DNAH14: variants seen among roughly 807,000 people sequenced by gnomAD.
The protein encoded by DNAH14 is dynein axonemal heavy chain 14, also known as axonemal beta dynein heavy chain 14.
A neutral mutation model predicts 520.9 loss-of-function variants in DNAH14; 478 were observed. The observed-to-expected ratio is 0.92, with a 90% CI of 0.85 to 0.99. The LOEUF (loss-of-function observed/expected upper bound fraction) is 0.99. Ranked by LOEUF, DNAH14 falls within the 50% of genes least tolerant of loss-of-function variation. The pLI is 0.00. For synonymous variants in DNAH14, 1,581 were observed against 1,757.2 expected, an observed-to-expected ratio of 0.90 and a Z score of 2.51; for missense variants, 4,831 against 5,234.5, an observed-to-expected ratio of 0.92 and a Z score of 2.38.
rs546550619 is a variant in DNAH14, at chr1:225,052,792, G to A, written c.2424+997G>A. On this transcript the variant is annotated intron_variant, in intron 17 of 85. Transcript: ENST00000682510. ...GTTGATTTAACTTAGATTCAGTTGC[G>A]TACGACAGAAAGCAAAAGGTAACAG... is the stretch of plus-strand genomic sequence containing the variant. Among the ~76,000 whole-genome samples, 6 of 152,298 alleles carry A rather than the reference G, an allele frequency of 3.9e-5. No individual in the cohort carries two copies. In the South Asian group the frequency reaches 8.3e-4, roughly 21 times the overall value.
intron 21 of DNAH14, among the ~76,000 whole-genome samples, chr1:225,094,225 C>G (rs1015170692): frequency 6.6e-6 from 1 of 152,144 alleles, no homozygotes; most frequent in African/African-American, 2.4e-5. Flanking sequence ...TAACTTCAAA[C>G]TATACTTCAA....
intron 83 of DNAH14, among the ~76,000 whole-genome samples, chr1:225,390,104 C>T (rs1308668218): frequency 6.6e-6 from 1 of 152,160 alleles, no homozygotes; most frequent in Admixed American, 6.5e-5. Flanking sequence ...CAGATTTCAC[C>T]TGCGCCTTGG....
intron 78 of DNAH14, among the ~76,000 whole-genome samples, chr1:225,377,018 T>C (rs547112568): frequency 6.6e-6 from 1 of 152,142 alleles, no homozygotes; most frequent in African/African-American, 2.4e-5. Flanking sequence ...TATACATGCA[T>C]ATCATATGCA....
chr1:225,263,540 C>T (rs1004910058), intron 46 of DNAH14, among the ~76,000 whole-genome samples: 1 of 151,922 alleles, frequency 6.6e-6, no homozygotes, highest in Non-Finnish European at 1.5e-5. Flanking sequence ...TCTATCTTCA[C>T]ATATATCTTG....
intron 73 of DNAH14, among the ~76,000 whole-genome samples, chr1:225,358,215 T>A (rs1015832606): frequency 6.6e-6 from 1 of 152,076 alleles, no homozygotes. Context: ...TTAGGGAGTA[T>A]AACTTGGATC....
chr1:225,323,762 C>T (rs1247518310), intron 62 of DNAH14, among the ~76,000 whole-genome samples: 1 of 151,952 alleles, frequency 6.6e-6, no homozygotes, highest in Non-Finnish European at 1.5e-5. Context: ...TGCCCAGCCA[C>T]TAGCGTCATT....
At chr1:225,237,022 G>GA (rs2091636900) in intron 42 of DNAH14, among the ~76,000 whole-genome samples, 1 of 149,366 alleles carries the variant, frequency 6.7e-6, no homozygotes, top group African/African-American at 2.5e-5. Flanking sequence ...CACTTTTTTT[G>GA]TTTGTTTGTT....
intron 81 of DNAH14, among the ~76,000 whole-genome samples, 156 bp from the exon 82 acceptor site, chr1:225,388,223 G>T (rs2095864022): frequency 6.6e-6 from 1 of 152,178 alleles, no homozygotes; most frequent in African/African-American, 2.4e-5. Context: ...ATAAGGTTTA[G>T]ACTTTTCATT....
At chr1:225,095,151 A>T (rs899204753) in intron 21 of DNAH14, among the ~76,000 whole-genome samples, 1 of 152,188 alleles carries the variant, frequency 6.6e-6, no homozygotes, top group Non-Finnish European at 1.5e-5. Flanking sequence ...TATTGAGTAT[A>T]TACCCAAAGG....
At chr1:225,188,098 C>T (rs959876339) in intron 37 of DNAH14, among the ~76,000 whole-genome samples, 4 of 151,768 alleles carry the variant, frequency 2.6e-5, no homozygotes, top group African/African-American at 9.7e-5. Flanking sequence ...TATGTCTTTC[C>T]TTATACCACA....
chr1:225,272,607 T>C (rs2093343883), intron 51 of DNAH14, among the ~76,000 whole-genome samples: 1 of 152,230 alleles, frequency 6.6e-6, no homozygotes, highest in Non-Finnish European at 1.5e-5. Flanking sequence ...AAATTTAGAA[T>C]GTTAAAACAT....
At chr1:224,966,630 C>T (rs1205546252) in intron 5 of DNAH14, among the ~76,000 whole-genome samples, 6 of 152,116 alleles carry the variant, frequency 3.9e-5, no homozygotes, top group Admixed American at 2.0e-4. Flanking sequence ...CACATCCCTA[C>T]GTCACCATTT....
Position 225,386,519 on chromosome 1 carries a change from T to C in DNAH14, c.13078-1860T>C, listed in dbSNP as rs1426297951. 3.3e-5 allele frequency among the ~76,000 whole-genome samples: 5 copies of C among 152,178 alleles called. No individual in the cohort carries two copies. The South Asian group carries it at 8.3e-4, about 25-fold the overall frequency. The stretch of plus-strand genomic sequence containing the variant: ...TAATATCCAGAATCTACAAAGAACG[T>C]AAATAAATTTACAAGAAAAAAATCA... On this transcript the variant is annotated intron_variant, in intron 81 of 85. Transcript: ENST00000682510.
At chr1:225,233,595 T>C (rs530826105) in intron 42 of DNAH14, among the ~76,000 whole-genome samples, 31 of 151,932 alleles carry the variant, frequency 2.0e-4, no homozygotes, top group Admixed American at 8.5e-4. Flanking sequence ...TTGGCCACTT[T>C]TAAGAAGTAT....
intron 10 of DNAH14, among the ~76,000 whole-genome samples, chr1:225,021,707 G>T (rs1478604164): frequency 6.6e-6 from 1 of 152,056 alleles, no homozygotes; most frequent in Non-Finnish European, 1.5e-5. Context: ...TGGCCATACT[G>T]CCCAAAGCAG....
chr1:224,991,113 G>C (rs1369195807), intron 8 of DNAH14, among the ~76,000 whole-genome samples: 1 of 8,734 alleles, frequency 1.1e-4, no homozygotes, highest in African/African-American at 2.2e-4. Context: ...TTTTTTTTTT[G>C]AGACGGAGTC....
At chr1:225,092,479 CTAA>C (rs1345327444) in intron 21 of DNAH14, among the ~76,000 whole-genome samples, 1 of 151,970 alleles carries the variant, frequency 6.6e-6, no homozygotes, top group Non-Finnish European at 1.5e-5. Flanking sequence ...TTCTTTGAAA[CTAA>C]TGAGAACAAA....
intron 41 of DNAH14, among the ~76,000 whole-genome samples, chr1:225,217,416 C>A (rs1392205816): frequency 6.6e-6 from 1 of 152,194 alleles, no homozygotes; most frequent in African/African-American, 2.4e-5. Context: ...AGAAGCACTA[C>A]TCTCTTCAAA....
At chr1:225,173,873 A>G (rs142704381) in intron 36 of DNAH14, among the ~76,000 whole-genome samples, 3,258 of 152,364 alleles carry the variant, frequency 0.021, 92 homozygotes, top group African/African-American at 0.062. Context: ...ATGTCCAACA[A>G]TGATAGACTG....
Sources: gnomAD v4.1 joint callset for allele counts (sites outside exome capture counted in the v4.1 genomes callset) on GRCh38, gnomAD v4.1.1 for gene constraint, MANE v1.5 for transcripts, NCBI Gene and HGNC (gene_info 2026-07-23, HGNC 2026-07-21) for gene names.